SLC5A9: variants seen among roughly 807,000 people sequenced by gnomAD.
The protein encoded by SLC5A9 is sodium/glucose cotransporter 4.
SLC5A9 carries 59 observed loss-of-function variants against 70.9 expected under a neutral mutation model. The ratio of observed to expected loss-of-function variants is 0.83; its 90% CI spans 0.68 to 1.03. The LOEUF (loss-of-function observed/expected upper bound fraction) is 1.03. Among genes scored for constraint, SLC5A9 ranks in the 50% least tolerant of loss-of-function variants. The pLI, the probability that SLC5A9 is intolerant of heterozygous loss-of-function variation, is 0.00. For missense variants in SLC5A9, 832 were observed against 881.1 expected, an observed-to-expected ratio of 0.94 and a Z score of 0.71; for synonymous variants, 340 against 346.5, an observed-to-expected ratio of 0.98 and a Z score of 0.21.
chr1:48,247,684 A>G lies in SLC5A9; in HGVS notation c.*141A>G. The G allele has an allele frequency of 1.3e-6, 1 of 768,848 alleles. No homozygotes were observed. Among genetic ancestry groups the G allele is most frequent in the Non-Finnish European group, 2.2e-6 (1 of 464,130 alleles). 47.6% of individuals were successfully genotyped at this position (768,848 alleles called of 1,614,324 possible). The stretch of plus-strand genomic sequence containing the variant: ...TGCAAGCTCCCCTGAAGAGAATCCA[A>G]CTCAACCTGCACACTTGACAAGTGG... On this transcript the variant is annotated 3_prime_UTR_variant, in exon 14 of 14. Coordinates refer to ENST00000438567, the MANE Select transcript of SLC5A9 (RefSeq NM_001011547.3).
Position 48,224,806 on chromosome 1 carries a change from C to A in SLC5A9, c.234+11C>A. 6.2e-7 allele frequency: 1 copy of A among 1,613,662 alleles called. No homozygotes were observed. On this transcript the variant is annotated intron_variant, in intron 2 of 13. Transcript: ENST00000438567. ...ATGAGCTGGTGGCCAGTGAGTTGAC[C>A]CTTCTCAACCACCCCTAGTGCAGAG...
chr1:48,222,940 G>C, intron 1 of SLC5A9, 42 bp downstream of exon 1: 1 of 1,607,098 alleles, frequency 6.2e-7, no homozygotes, highest in Non-Finnish European at 8.5e-7. Flanking sequence ...GGAGGTAGTA[G>C]TGGTCTCTCA....
chr1:48,222,851 A>G lies in SLC5A9; in HGVS notation c.115A>G (p.Ser39Gly). ...SRVGLHAYDI[S>G]VVVIYFVFVI... is the part of the protein sequence containing the mutation. ...AGTTGGTCTGCACGCCTACGACATC[A>G]GCGTGGTGGTCATCTACTTTGTCTT... is the stretch of plus-strand genomic sequence containing the variant. The change falls in exon 1 of 14, where the codon AGC becomes GGC. Residue 39 changes from serine (S) to glycine (G), a missense_variant. Transcript: ENST00000438567. 6.2e-7 allele frequency: 1 copy of G among 1,614,110 alleles called. No individual in the cohort carries two copies.
chr1:48,246,190 A>G (rs536782351), intron 13 of SLC5A9, among the ~76,000 whole-genome samples: 29 of 152,160 alleles, frequency 1.9e-4, no homozygotes, highest in Non-Finnish European at 4.1e-4. Flanking sequence ...AGGGAATCAA[A>G]AGAGAGAATG....
intron 5 of SLC5A9, 121 bp downstream of exon 5, chr1:48,230,826 G>C (rs1644237993): frequency 1.4e-6 from 1 of 699,852 alleles, no homozygotes; most frequent in Non-Finnish European, 2.4e-6. Flanking sequence ...CTGACAGAGA[G>C]GAGAAACAGG....
At chr1:48,237,973 G>A in intron 11 of SLC5A9, 126 bp downstream of exon 11, 1 of 959,188 alleles carries the variant, frequency 1.0e-6, no homozygotes, top group Non-Finnish European at 1.5e-6. Context: ...CCTGACCACA[G>A]CATCCAGCCT....
rs1644319501 is a variant in SLC5A9, at chr1:48,235,879, G to A, written c.1292G>A (p.Arg431Lys). ...GAGCAGGAGCTGATGGTGGTGGGCA[G>A]GTGCGCCGGCCCCTCCTTCCCTCCT... ...STEQELMVVG[R>K]VFVVFLVVIS... The change falls in exon 10 of 14, where the codon AGA (arginine) becomes AAA (lysine). Residue 431 changes from arginine (R) to lysine (K), a missense_variant and splice_region_variant. Physicochemically the swap from Arg to Lys is conservative, Grantham distance 26. Transcript: ENST00000438567. 6.2e-7 allele frequency: 1 copy of A among 1,614,024 alleles called. No individual in the cohort carries two copies. The highest frequency in any genetic ancestry group is 1.7e-5 in the Admixed American group (1 of 60,006).
chr1:48,247,291 T>A (rs763611239), intron 13 of SLC5A9, 44 bp from the exon 14 acceptor site: 1 of 1,583,446 alleles, frequency 6.3e-7, no homozygotes, highest in Non-Finnish European at 8.7e-7. Context: ...CTTCTTTGCC[T>A]CTCCCCTCCT....
At chr1:48,236,029 A>G in intron 10 of SLC5A9, 150 bp downstream of exon 10, 1 of 829,984 alleles carries the variant, frequency 1.2e-6, no homozygotes, top group Non-Finnish European at 1.9e-6. Flanking sequence ...ATTTCAAGTA[A>G]GTCCTTCGCC....
chr1:48,242,490 C>A lies in SLC5A9; in HGVS notation c.1711C>A (p.Pro571Thr). The change falls in exon 13 of 14, where the codon CCC (proline) becomes ACC (threonine). Residue 571 changes from proline (P) to threonine (T), a missense_variant. Pro to Thr is a conservative substitution (Grantham distance 38). Coordinates refer to ENST00000438567, the MANE Select transcript of SLC5A9 (RefSeq NM_001011547.3). ...TRLTWWTRNC[P>T]LSELEKEAHE... ...CCTCACATGGTGGACTCGGAACTGC[C>A]CCCTCTCTGAGCTGGAGAAGGAGGC... 1 of 1,612,504 alleles carries A rather than the reference C, an allele frequency of 6.2e-7. No homozygotes were observed. Among genetic ancestry groups the A allele is most frequent in the Non-Finnish European group, 8.5e-7 (1 of 1,178,898 alleles).
At position 48,232,507 on chromosome 1, in the gene SLC5A9, G is replaced by A. The variant is rs769117249; in HGVS notation, c.1033+5G>A. The A allele has an allele frequency of 6.2e-6, 10 of 1,613,990 alleles. No individual in the cohort carries two copies. Among genetic ancestry groups the A allele is most frequent in the Non-Finnish European group, 7.6e-6 (9 of 1,180,002 alleles). Reference sequence around the variant, plus strand: ...TCAGCCGGGCCCTGTTCCCAGGTAAGAACGAGCCTTGCTCTCTGGGTATTG... The same window carrying A: ...TCAGCCGGGCCCTGTTCCCAGGTAAAAACGAGCCTTGCTCTCTGGGTATTG... On this transcript the variant is annotated splice_donor_5th_base_variant and intron_variant, in intron 8 of 13. Coordinates refer to ENST00000438567, the MANE Select transcript of SLC5A9 (RefSeq NM_001011547.3).
chr1:48,247,845 T>C lies in SLC5A9; in HGVS notation c.*302T>C, dbSNP rs942562475. On this transcript the variant is annotated 3_prime_UTR_variant, in exon 14 of 14. Transcript: ENST00000438567. Reference sequence around the variant, plus strand: ...ACACTGTTTCCACCCTCTTCTTGAATGTATTCAGTAGCCTTTACTGAATGT... The same window carrying C: ...ACACTGTTTCCACCCTCTTCTTGAACGTATTCAGTAGCCTTTACTGAATGT... 2.4e-6 allele frequency: 1 copy of C among 412,550 alleles called. No homozygotes were observed. The highest frequency in any genetic ancestry group is 2.0e-5 in the African/African-American group (1 of 50,500). 25.6% of individuals were successfully genotyped at this position (412,550 alleles called of 1,614,324 possible).
At chr1:48,225,892 G>T (rs12139099) in intron 2 of SLC5A9, among the ~76,000 whole-genome samples, 2 of 151,718 alleles carry the variant, frequency 1.3e-5, no homozygotes, top group Admixed American at 6.6e-5. Context: ...ACATTCATGC[G>T]CACTCACACC....
At position 48,247,486 on chromosome 1, in the gene SLC5A9, C is replaced by A. The variant is rs1644473388; in HGVS notation, c.1989C>A (p.Asn663Lys). 5 of 1,614,172 alleles carry A rather than the reference C, an allele frequency of 3.1e-6. No homozygotes were observed. The highest frequency in any genetic ancestry group is 1.7e-4 in the Middle Eastern group (1 of 6,060). ...AGCCACTCTGGAGACATGTCTGCAA[C>A]ATCAATGCTGTCCTTTTGCTGGCCA... ...EEEPLWRHVC[N>K]INAVLLLAIN... Residue 663 changes from asparagine (N) to lysine (K), a missense_variant, in exon 14 of 14, where the codon AAC becomes AAA. Transcript: ENST00000438567.
intron 4 of SLC5A9, among the ~76,000 whole-genome samples, chr1:48,229,935 C>A (rs1374284173): frequency 6.6e-6 from 1 of 152,184 alleles, no homozygotes; most frequent in Non-Finnish European, 1.5e-5. Flanking sequence ...ATGTTTTAGA[C>A]CCTGTAACAG....
intron 2 of SLC5A9, among the ~76,000 whole-genome samples, chr1:48,225,918 G>A (rs987951243): frequency 4.6e-5 from 7 of 151,854 alleles, no homozygotes; most frequent in African/African-American, 1.7e-4. Flanking sequence ...CCATCTTCAC[G>A]CCTCTCCCCA....
rs536897228 is a variant in SLC5A9, at chr1:48,227,487, G to C, written c.235-1363G>C. Among the ~76,000 whole-genome samples, 12 of 148,336 alleles carry C rather than the reference G, an allele frequency of 8.1e-5. 1 individual carries two copies. The East Asian group carries it at 2.2e-3, about 28-fold the overall frequency. On this transcript the variant is annotated intron_variant, in intron 2 of 13. Transcript: ENST00000438567. ...GTGTACTGTGCCTGTGTGGGCGTGA[G>C]TGCATGTGTGTGTCAGAGTGTGTGT... is the stretch of plus-strand genomic sequence containing the variant.
At position 48,229,239 on chromosome 1, in the gene SLC5A9, G is replaced by A. The variant is rs576944194; in HGVS notation, c.340-56G>A. The A allele has an allele frequency of 2.2e-5, 35 of 1,613,828 alleles. No homozygotes were observed. In the South Asian group the frequency reaches 2.2e-4, roughly 10 times the overall value. ...CAGCACTGCCTCTGGGTGGGAAGCC[G>A]CCCCTCTGTCTACATCCAGGACCTG... On this transcript the variant is annotated intron_variant, in intron 3 of 13. Coordinates refer to ENST00000438567, the MANE Select transcript of SLC5A9 (RefSeq NM_001011547.3).
At chr1:48,231,503 C>T in intron 5 of SLC5A9, 42 bp from the exon 6 acceptor site, 2 of 1,610,410 alleles carry the variant, frequency 1.2e-6, no homozygotes, top group Non-Finnish European at 1.7e-6. Context: ...GAGAGGACCC[C>T]AAACTGGTGC....
Sources: gnomAD v4.1 joint callset for allele counts (sites outside exome capture counted in the v4.1 genomes callset) on GRCh38, gnomAD v4.1.1 for gene constraint, MANE v1.5 for transcripts, NCBI Gene and HGNC (gene_info 2026-07-23, HGNC 2026-07-21) for gene names.